CEP170: variants seen among roughly 807,000 people sequenced by gnomAD.
CEP170 encodes centrosomal protein 170, also known as centrosomal protein of 170 kDa.
A neutral mutation model predicts 151.9 loss-of-function variants in CEP170; 21 were observed. The ratio of observed to expected loss-of-function variants is 0.14; its 90% CI spans 0.10 to 0.20. The LOEUF (loss-of-function observed/expected upper bound fraction) is 0.20, where lower values mean the gene tolerates loss of function less well. CEP170 is among the 10% of genes least tolerant of loss of function. CEP170 has a pLI of 1.00. For missense variants in CEP170, 964 were observed against 1,892.9 expected, an observed-to-expected ratio of 0.51 and a Z score of 9.11; for synonymous variants, 356 against 648.8, an observed-to-expected ratio of 0.55 and a Z score of 6.86.
chr1:243,201,183 G>A (rs1357122668), intron 4 of CEP170, among the ~76,000 whole-genome samples: 1 of 151,886 alleles, frequency 6.6e-6, no homozygotes, highest in Non-Finnish European at 1.5e-5. Context: ...TATATTGAGA[G>A]CTAATCACAA....
At chr1:243,153,143 G>A (rs1456390897) in intron 14 of CEP170, among the ~76,000 whole-genome samples, 1 of 152,236 alleles carries the variant, frequency 6.6e-6, no homozygotes, top group Non-Finnish European at 1.5e-5. Context: ...AAAGACTAGA[G>A]TTAGAAGTGA....
chr1:243,160,750 C>G (rs2057999436), intron 13 of CEP170, among the ~76,000 whole-genome samples: 1 of 152,206 alleles, frequency 6.6e-6, no homozygotes, highest in Non-Finnish European at 1.5e-5. Flanking sequence ...TGACAATGCT[C>G]TGTTTTGTCC....
chr1:243,251,434 T>C (rs998641807), intron 1 of CEP170, among the ~76,000 whole-genome samples: 5 of 152,196 alleles, frequency 3.3e-5, no homozygotes, highest in Non-Finnish European at 7.4e-5. Flanking sequence ...CACTTAGGAA[T>C]GTGTAACGCA....
rs552682619 is a variant in CEP170 at position 243,136,316 on chromosome 1, T to C, written c.4231-85A>G. 16 of 862,592 alleles carry C rather than the reference T, an allele frequency of 1.9e-5. No homozygotes were observed. In the African/African-American group the frequency reaches 2.7e-4, roughly 15 times the overall value. 53.4% of individuals were successfully genotyped at this position (862,592 alleles called of 1,614,324 possible). A position where few individuals can be genotyped will look rare whatever the true frequency, so the allele number is the denominator to read the frequency against. ...TGAGATCACTAGTCACAAGTCACTA[T>C]AGTTAGGGGCAGTTAGTATTTATGC... On this transcript the variant is annotated intron_variant, in intron 16 of 19. Transcript: ENST00000366542.
chr1:243,220,004 A>G (rs1331390998), intron 3 of CEP170, among the ~76,000 whole-genome samples: 1 of 152,234 alleles, frequency 6.6e-6, no homozygotes, highest in Non-Finnish European at 1.5e-5. Flanking sequence ...AGAGGAGTTG[A>G]GAATCAAAAT....
At chr1:243,226,483 C>T (rs2063312692) in intron 1 of CEP170, among the ~76,000 whole-genome samples, 2 of 151,944 alleles carry the variant, frequency 1.3e-5, no homozygotes, top group African/African-American at 2.4e-5. Flanking sequence ...CCATATACTG[C>T]TTAACTTGAA....
chr1:243,235,912 G>T (rs2064206624), intron 1 of CEP170, among the ~76,000 whole-genome samples: 1 of 152,050 alleles, frequency 6.6e-6, no homozygotes, highest in South Asian at 2.1e-4. Context: ...AATTATCTAG[G>T]CATTAAAAAT....
At chr1:243,168,409 A>G (rs2058596676) in intron 12 of CEP170, 1 of 152,040 alleles carries the variant, frequency 6.6e-6, no homozygotes, top group South Asian at 2.1e-4. Context: ...TTTTAACTGT[A>G]AGTGAGTATT....
intron 3 of CEP170, among the ~76,000 whole-genome samples, chr1:243,215,460 T>C (rs1450859881): frequency 6.6e-6 from 1 of 151,894 alleles, no homozygotes; most frequent in Non-Finnish European, 1.5e-5. Flanking sequence ...TAGTGGGAGG[T>C]CTCTGAAATG....
At chr1:243,148,071 C>T (rs917859689) in intron 14 of CEP170, among the ~76,000 whole-genome samples, 1 of 151,616 alleles carries the variant, frequency 6.6e-6, no homozygotes, top group Non-Finnish European at 1.5e-5. Context: ...CCCAGCTACT[C>T]GGGAGGCTGA....
At chr1:243,137,363 T>A (rs560919385) in intron 16 of CEP170, among the ~76,000 whole-genome samples, 30 of 152,284 alleles carry the variant, frequency 2.0e-4, no homozygotes, top group Admixed American at 2.0e-3. Flanking sequence ...CAAAAAGGTT[T>A]AAAGACCACT....
rs138001482 is a variant in CEP170, at chr1:243,247,458, A to G, written c.-42+7582T>C. Reference sequence around the variant, plus strand: ...AATCTCCATCTCCTGGGCTCAAGCAATTCTCCTTCCTCAGCCTCCTGAGTA... The same window carrying G: ...AATCTCCATCTCCTGGGCTCAAGCAGTTCTCCTTCCTCAGCCTCCTGAGTA... On this transcript the variant is annotated intron_variant, in intron 1 of 19. Coordinates refer to ENST00000366542, the MANE Select transcript of CEP170 (RefSeq NM_014812.3). Among the ~76,000 whole-genome samples, 1,207 of 152,170 alleles carry G rather than the reference A, an allele frequency of 7.9e-3. 15 individuals carry two copies. Among genetic ancestry groups the G allele is most frequent in the African/African-American group, 0.027 (1,131 of 41,520 alleles).
intron 17 of CEP170, among the ~76,000 whole-genome samples, chr1:243,134,422 T>C (rs2054783650): frequency 6.6e-6 from 1 of 152,150 alleles, no homozygotes; most frequent in Admixed American, 6.6e-5. Context: ...AGGTACGTAA[T>C]GGTAGTCATT....
intron 12 of CEP170, among the ~76,000 whole-genome samples, chr1:243,168,993 T>TTA (rs146954524): frequency 4.8e-5 from 7 of 144,956 alleles, no homozygotes; most frequent in African/African-American, 7.7e-5. Context: ...AAATTTTAAC[T>TTA]TATATATATA....
intron 10 of CEP170, among the ~76,000 whole-genome samples, chr1:243,175,866 G>A (rs141503707): frequency 0.053 from 8,040 of 152,080 alleles, 470 homozygotes; most frequent in East Asian, 0.19. Flanking sequence ...GCGCGATCTC[G>A]GCTCACTGCA....
At chr1:243,145,074 GA>G (rs1023692267) in intron 14 of CEP170, among the ~76,000 whole-genome samples, 7 of 151,754 alleles carry the variant, frequency 4.6e-5, no homozygotes, top group African/African-American at 1.7e-4. Flanking sequence ...TTGTATACTG[GA>G]AAAAATAATT....
In CEP170 at chr1:243,230,237, A is replaced by C. The variant is rs191985339; in HGVS notation, c.-41-4916T>G. 4.6e-5 allele frequency among the ~76,000 whole-genome samples: 7 copies of C among 152,158 alleles called. No homozygotes were observed. In the East Asian group the frequency reaches 1.4e-3, roughly 29 times the overall value. ...GGCATGGTGGCATCCAGGAGGTTGA[A>C]GCTGCAGTGAGCCATGATCATGCCC... is the stretch of plus-strand genomic sequence containing the variant. On this transcript the variant is annotated intron_variant, in intron 1 of 19. Coordinates refer to ENST00000366542, the MANE Select transcript of CEP170 (RefSeq NM_014812.3).
Position 243,165,685 on chromosome 1 carries a change from A to G in CEP170, c.2275T>C (p.Trp759Arg), listed in dbSNP as rs887471238. Residue 759 changes from tryptophan to arginine, a missense_variant, in exon 13 of 20, where the codon TGG becomes CGG. Physicochemically the swap from Trp to Arg is moderately radical, Grantham distance 101 (BLOSUM62 -3). Coordinates refer to ENST00000366542, the MANE Select transcript of CEP170 (RefSeq NM_014812.3). Reference protein sequence around the residue: ...QQQEQREEAQWTPTKLSSKNV... With the variant: ...QQQEQREEAQRTPTKLSSKNV... ...TTGGAAGACAATTTAGTAGGTGTCC[A>G]CTGAGCCTCCTCCCTTTGTTCTTGT... 3.1e-6 allele frequency: 5 copies of G among 1,613,924 alleles called. No homozygotes were observed. The African/African-American group carries it at 5.3e-5, about 17-fold the overall frequency.
At chr1:243,158,656 T>G (rs1319543533) in intron 13 of CEP170, among the ~76,000 whole-genome samples, 5 of 152,128 alleles carry the variant, frequency 3.3e-5, no homozygotes, top group Admixed American at 2.6e-4. Context: ...TGCAATTACA[T>G]TTTGAGGAAA....
Sources: gnomAD v4.1 joint callset for allele counts (sites outside exome capture counted in the v4.1 genomes callset) on GRCh38, gnomAD v4.1.1 for gene constraint, MANE v1.5 for transcripts, NCBI Gene and HGNC (gene_info 2026-07-23, HGNC 2026-07-21) for gene names.